Variants in DIXDC1 observed in about 807,000 individuals in gnomAD.
DIXDC1 encodes the protein DIX domain containing 1, also known as dixin.
A neutral mutation model predicts 103.1 loss-of-function variants in DIXDC1; 64 were observed. The ratio of observed to expected loss-of-function variants is 0.62; its 90% CI spans 0.51 to 0.76. The LOEUF is 0.76. Ranked by LOEUF, DIXDC1 falls within the 30% of genes least tolerant of loss-of-function variation. The pLI is 0.00. For missense variants in DIXDC1, 759 were observed against 834.2 expected (o/e 0.91, Z 1.11); for synonymous variants, 266 against 298.5 (o/e 0.89, Z 1.12).
chr11:111,939,112 T>A (rs1555168557), intron 1 of DIXDC1, among the ~76,000 whole-genome samples: 1 of 152,222 alleles, frequency 6.6e-6, no homozygotes, highest in Non-Finnish European at 1.5e-5. Flanking sequence ...TTAGTTGTCT[T>A]ATACCTCCTG....
intron 5 of DIXDC1, among the ~76,000 whole-genome samples, chr11:111,978,593 A>G (rs1244746345): frequency 2.6e-5 from 4 of 152,100 alleles, no homozygotes; most frequent in Non-Finnish European, 5.9e-5. Context: ...TTCTGCCCTT[A>G]TATGGGAGAT....
chr11:112,008,542 A>T (rs1007098533), intron 17 of DIXDC1, among the ~76,000 whole-genome samples: 1 of 152,228 alleles, frequency 6.6e-6, no homozygotes, highest in African/African-American at 2.4e-5. Flanking sequence ...TCTAAAATTG[A>T]TCATACAGTT....
rs587708803 is a variant in DIXDC1 at position 111,929,420 on chromosome 11, A to C, written c.-36-398A>C. ...ATTAATACCTAAGCAACTAGGTTTAAAAATGCCACTGGGTTAGCTGGGTGT... is the reference window on the plus strand; with the variant it reads ...ATTAATACCTAAGCAACTAGGTTTACAAATGCCACTGGGTTAGCTGGGTGT... On this transcript the variant is annotated intron_variant, in intron 1 of 5. Transcript: ENST00000529225. 5.9e-5 allele frequency among the ~76,000 whole-genome samples: 9 copies of C among 152,076 alleles called. No individual in the cohort carries two copies. The East Asian group carries it at 1.7e-3, about 29-fold the overall frequency.
upstream of DIXDC1, among the ~76,000 whole-genome samples, chr11:111,934,973 T>TATGGCC (rs1361744532): frequency 5.3e-5 from 8 of 152,246 alleles, no homozygotes; most frequent in African/African-American, 1.7e-4. Context: ...AGTAGCCACG[T>TATGGCC]ATGGCCACTA....
chr11:111,930,082 G>A (rs1487728734), intron 2 of DIXDC1, among the ~76,000 whole-genome samples: 4 of 151,378 alleles, frequency 2.6e-5, no homozygotes, highest in African/African-American at 4.9e-5. Flanking sequence ...TAGCTCTCTT[G>A]GACCTCGAGT....
intron 10 of DIXDC1, among the ~76,000 whole-genome samples, chr11:111,991,463 C>T (rs782202131): frequency 2.0e-5 from 3 of 152,188 alleles, no homozygotes; most frequent in Non-Finnish European, 4.4e-5. Context: ...ACTGTCATGG[C>T]AGAGTGTATA....
rs1555174639 is a variant in DIXDC1, at chr11:111,992,452, C to T, written c.1151C>T (p.Ser384Phe). Residue 384 changes from serine (S) to phenylalanine (F), a missense_variant, in exon 11 of 20, where the codon TCT becomes TTT. This residue lies in a region of DIXDC1 where 657 missense variants were observed against 727.5 expected (regional missense o/e 0.90). Coordinates refer to ENST00000440460, the MANE Select transcript of DIXDC1 (RefSeq NM_001037954.4). ...LQQRLTQQDT[S>F]VLQLKQELLR... is the part of the protein sequence containing the mutation. ...CAGAGATTGACTCAGCAGGACACAT[C>T]TGTTCTTCAGCTCAAACAAGAGCTA... is the stretch of plus-strand genomic sequence containing the variant. 6.3e-7 allele frequency: 1 copy of T among 1,583,880 alleles called. No individual in the cohort carries two copies.
At chr11:111,950,220 A>G (rs782383710) in intron 1 of DIXDC1, among the ~76,000 whole-genome samples, 2 of 151,574 alleles carry the variant, frequency 1.3e-5, no homozygotes, top group African/African-American at 2.4e-5. Flanking sequence ...ACAGTTTAGT[A>G]TGAGTCACCA....
At chr11:111,967,920 G>C (rs1303315861) in intron 2 of DIXDC1, among the ~76,000 whole-genome samples, 1 of 152,216 alleles carries the variant, frequency 6.6e-6, no homozygotes, top group Non-Finnish European at 1.5e-5. Flanking sequence ...CACTCCCCCA[G>C]CCACACTGCT....
At chr11:111,954,415 CTG>C (rs1966870628) in intron 1 of DIXDC1, among the ~76,000 whole-genome samples, 1 of 152,184 alleles carries the variant, frequency 6.6e-6, no homozygotes, top group African/African-American at 2.4e-5. Context: ...AAGCTTCACT[CTG>C]TGGCCCGGTT....
chr11:112,019,062 T>TGGAA lies in DIXDC1; in HGVS notation c.*27_*30dup. On this transcript the variant is annotated 3_prime_UTR_variant, in exon 20 of 20. Coordinates refer to ENST00000440460, the MANE Select transcript of DIXDC1 (RefSeq NM_001037954.4). ...TGCCAAGTATCAGATTGAGGGCTTATGGAACCTGGTCACTCCCTGGCTGCT... is the reference window on the plus strand; with the variant it reads ...TGCCAAGTATCAGATTGAGGGCTTATGGAAGGAACCTGGTCACTCCCTGGCTGCT... 1 of 1,595,682 alleles carries TGGAA rather than the reference T, an allele frequency of 6.3e-7. No individual in the cohort carries two copies. Among genetic ancestry groups the TGGAA allele is most frequent in the Non-Finnish European group, 8.6e-7 (1 of 1,164,316 alleles).
chr11:111,977,160 C>CA lies in DIXDC1; in HGVS notation c.656+2177_656+2178insA. The CA allele has an allele frequency of 2.8e-6, 2 of 711,592 alleles. No individual in the cohort carries two copies. The highest frequency in any genetic ancestry group is 3.5e-6 in the Non-Finnish European group (2 of 579,406). 44.1% of individuals were successfully genotyped at this position (711,592 alleles called of 1,614,324 possible). On this transcript the variant is annotated intron_variant, in intron 5 of 19. Transcript: ENST00000440460. This position sits in a 1 kb window ranked among gnomAD's most constrained non-coding sequence, Gnocchi z 6.1. ...CCCTCGTCGACGTCCCCACCCCCAC[C>CA]TCCACCCCGCCCAGCCCCGCCCCTG...
chr11:111,986,366 CTT>C (rs1218631165), intron 8 of DIXDC1, among the ~76,000 whole-genome samples: 8 of 71,632 alleles, frequency 1.1e-4, no homozygotes, highest in Admixed American at 1.9e-4. Context: ...CATACTTATT[CTT>C]TTTTTTTTTT....
rs1219788290 is a variant in DIXDC1 at position 112,010,699 on chromosome 11, G to A, written c.1757-5992G>A. Among the ~76,000 whole-genome samples, 7 of 152,146 alleles carry A rather than the reference G, an allele frequency of 4.6e-5. No homozygotes were observed. In the South Asian group the frequency reaches 6.2e-4, roughly 14 times the overall value. ...CAAACCTGACAAAAACAAGAAATGG[G>A]GAAAGGATTCCCTGTTTAATAAATG... On this transcript the variant is annotated intron_variant, in intron 17 of 19. Coordinates refer to ENST00000440460, the MANE Select transcript of DIXDC1 (RefSeq NM_001037954.4).
chr11:111,976,367 CG>C lies in DIXDC1; in HGVS notation c.656+1386del. 6.6e-6 allele frequency among the ~76,000 whole-genome samples: 1 copy of C among 152,232 alleles called. No homozygotes were observed. The highest frequency in any genetic ancestry group is 1.5e-5 in the Non-Finnish European group (1 of 68,004). The stretch of plus-strand genomic sequence containing the variant: ...GTGAATGTGTGAATGAGGGGCCCAC[CG>C]GCTATCAGGCTGCAGTGAGCTAATG... On this transcript the variant is annotated intron_variant, in intron 5 of 19. Transcript: ENST00000440460. This position sits in a 1 kb window ranked among gnomAD's most constrained non-coding sequence, Gnocchi z 4.3.
chr11:111,970,655 C>G (rs189043777), intron 3 of DIXDC1, among the ~76,000 whole-genome samples: 2 of 144,814 alleles, frequency 1.4e-5, no homozygotes, highest in East Asian at 2.0e-4. Context: ...GAGCGAAACT[C>G]TATCTCAAAA....
At chr11:111,964,244 G>C (rs1318226700) in intron 1 of DIXDC1, among the ~76,000 whole-genome samples, 1 of 152,228 alleles carries the variant, frequency 6.6e-6, no homozygotes, top group Non-Finnish European at 1.5e-5. Context: ...GGTCAACAGA[G>C]AAAAACTTGA....
rs781822030 is a variant in DIXDC1 at position 111,955,833 on chromosome 11, CAAAAAAAAAAAA to C, written c.61-8699_61-8688del. Among the ~76,000 whole-genome samples the C allele has an allele frequency of 8.4e-3, 149 of 17,668 alleles. 1 individual carries two copies. Among genetic ancestry groups the C allele is most frequent in the Non-Finnish European group, 0.017 (119 of 6,816 alleles). The allele number at this position is 17,668 out of a possible 152,430, so 11.6% of individuals were successfully genotyped here. On this transcript the variant is annotated intron_variant, in intron 1 of 19. Transcript: ENST00000440460. ...TAGGTGACAGAGTGAGACTCTAGCT[CAAAAAAAAAAAA>C]AAAAAAAAAAAAAAAAGATCTTGAA...
Position 111,995,481 on chromosome 11 carries a change from A to G in DIXDC1, c.1606A>G (p.Thr536Ala), listed in dbSNP as rs1407485044. ...CAGTGGCCACGATCCTCAGCACCAC[A>G]CTATTGACAGCTTGGAGCAGGGCAT... is the stretch of plus-strand genomic sequence containing the variant. ...SFSGHDPQHH[T>A]IDSLEQGISS... Residue 536 changes from threonine to alanine, a missense_variant, in exon 16 of 20, where the codon ACT (threonine) becomes GCT (alanine). Thr to Ala is a moderately conservative substitution (Grantham distance 58). Transcript: ENST00000440460. 6 of 1,613,860 alleles carry G rather than the reference A, an allele frequency of 3.7e-6. No homozygotes were observed. The highest frequency in any genetic ancestry group is 5.1e-6 in the Non-Finnish European group (6 of 1,179,910).
Sources: gnomAD v4.1 joint callset for allele counts (sites outside exome capture counted in the v4.1 genomes callset) on GRCh38, gnomAD v4.1.1 for gene constraint, gnomAD v4.1.1 regional missense constraint, Gnocchi (gnomAD v3.1) non-coding constraint, MANE v1.5 for transcripts, NCBI Gene and HGNC (gene_info 2026-07-23, HGNC 2026-07-21) for gene names.